CHST8: variants seen among roughly 807,000 people sequenced by gnomAD.
The protein encoded by CHST8 is carbohydrate sulfotransferase 8, also known as GALNAC-4-ST1.
In CHST8, 10 loss-of-function variants were observed where a neutral mutation model predicts 15.0. That is an observed-to-expected ratio of 0.67 (90% confidence interval 0.41 to 1.13). The LOEUF is 1.13. Ranked by LOEUF, CHST8 falls within the 50% of genes most tolerant of loss-of-function variation. The probability of loss-of-function intolerance (pLI) is 0.00; values close to 1 mark genes in which losing one functional copy is unlikely to be tolerated. For synonymous variants in CHST8, 259 were observed against 256.6 expected, an observed-to-expected ratio of 1.01 and a Z score of -0.09; for missense variants, 634 against 608.2, an observed-to-expected ratio of 1.04 and a Z score of -0.45.
rs1367713139 is a variant in CHST8 at position 33,773,044 on chromosome 19, C to G, written c.1256C>G (p.Pro419Arg). Residue 419 changes from proline to arginine, a missense_variant, in exon 5 of 5, where the codon CCC becomes CGC. Physicochemically the swap from Pro to Arg is moderately radical, Grantham distance 103 (BLOSUM62 -2). Coordinates refer to ENST00000650847, the MANE Select transcript of CHST8 (RefSeq NM_001127895.2). The stretch of plus-strand genomic sequence containing the variant: ...TACCTGATGTTCAACTATTCCAAGC[C>G]CTTTGCAGATCTGTACTGAGGGGCG... ...MDYLMFNYSK[P>R]FADLY 1 of 1,607,944 alleles carries G rather than the reference C, an allele frequency of 6.2e-7. No individual in the cohort carries two copies. The highest frequency in any genetic ancestry group is 8.5e-7 in the Non-Finnish European group (1 of 1,179,524).
At chr19:33,647,879 G>T (rs1365023654) in intron 1 of CHST8, among the ~76,000 whole-genome samples, 1 of 151,586 alleles carries the variant, frequency 6.6e-6, no homozygotes, top group African/African-American at 2.4e-5. Flanking sequence ...AAATAAAAAA[G>T]AAATGAGAAG....
chr19:33,625,404 G>A (rs1238816790), intron 1 of CHST8, among the ~76,000 whole-genome samples: 1 of 151,764 alleles, frequency 6.6e-6, no homozygotes, highest in Non-Finnish European at 1.5e-5. Flanking sequence ...GTGAGCAACC[G>A]TGGCAATTAG....
rs1972557847 is a variant in CHST8, at chr19:33,659,511, C to T, written c.-163-8256C>T. 2.0e-5 allele frequency among the ~76,000 whole-genome samples: 3 copies of T among 152,158 alleles called. No homozygotes were observed. In the South Asian group the frequency reaches 6.2e-4, roughly 32 times the overall value. On this transcript the variant is annotated intron_variant, in intron 1 of 4. Coordinates refer to ENST00000650847, the MANE Select transcript of CHST8 (RefSeq NM_001127895.2). ...TTTTGTCTGTTGAATCCTTAATAAT[C>T]TCAATTTTGTTTGCACAATTTGTTC...
At chr19:33,731,880 G>A (rs889861424) in intron 3 of CHST8, among the ~76,000 whole-genome samples, 7 of 152,280 alleles carry the variant, frequency 4.6e-5, no homozygotes, top group African/African-American at 9.6e-5. Context: ...GCTGGCTGCC[G>A]GTGACCTCTT....
At chr19:33,666,682 T>C (rs955138837) in intron 1 of CHST8, among the ~76,000 whole-genome samples, 1 of 152,058 alleles carries the variant, frequency 6.6e-6, no homozygotes, top group Admixed American at 6.6e-5. Context: ...GAGTAGTTGT[T>C]AAGTGGTATT....
At chr19:33,762,320 C>G (rs1044592997) in intron 3 of CHST8, among the ~76,000 whole-genome samples, 17 of 152,210 alleles carry the variant, frequency 1.1e-4, no homozygotes, top group African/African-American at 4.1e-4. Flanking sequence ...GCAGGCGGGA[C>G]AGCCGTTGGG....
intron 1 of CHST8, among the ~76,000 whole-genome samples, chr19:33,663,445 G>A (rs1215276739): frequency 1.3e-5 from 2 of 152,116 alleles, no homozygotes; most frequent in Non-Finnish European, 2.9e-5. Context: ...CGTGCCTGTG[G>A]TCCCAGCTAC....
chr19:33,733,995 C>T (rs144780094), intron 3 of CHST8, among the ~76,000 whole-genome samples: 9 of 152,354 alleles, frequency 5.9e-5, no homozygotes, highest in African/African-American at 2.2e-4. Context: ...AGAGCAACTC[C>T]ATCTTGACTA....
chr19:33,755,281 A>G (rs930081838), intron 3 of CHST8, among the ~76,000 whole-genome samples: 1 of 152,192 alleles, frequency 6.6e-6, no homozygotes, highest in Non-Finnish European at 1.5e-5. Flanking sequence ...GTTACACAGC[A>G]GCCCTTCATT....
intron 3 of CHST8, among the ~76,000 whole-genome samples, chr19:33,747,007 A>G (rs1974327913): frequency 6.6e-6 from 1 of 152,194 alleles, no homozygotes; most frequent in South Asian, 2.1e-4. Flanking sequence ...CGGACTATAT[A>G]TCATGACATC....
intron 3 of CHST8, among the ~76,000 whole-genome samples, chr19:33,763,514 C>G (rs1974776022): frequency 6.6e-6 from 1 of 152,188 alleles, no homozygotes; most frequent in African/African-American, 2.4e-5. Flanking sequence ...TGGAACCCCA[C>G]GTACCTGTCC....
At chr19:33,651,386 C>CT (rs1291418393) in intron 1 of CHST8, among the ~76,000 whole-genome samples, 1 of 151,968 alleles carries the variant, frequency 6.6e-6, no homozygotes, top group Non-Finnish European at 1.5e-5. Flanking sequence ...AAAAAGCGTC[C>CT]TATATTACTA....
chr19:33,740,759 A>G (rs1325383740), intron 3 of CHST8, among the ~76,000 whole-genome samples: 1 of 152,180 alleles, frequency 6.6e-6, no homozygotes, highest in African/African-American at 2.4e-5. Context: ...CAGAACTGGC[A>G]TCATATGGGA....
chr19:33,741,062 C>A (rs1246470784), intron 3 of CHST8, among the ~76,000 whole-genome samples: 1 of 152,240 alleles, frequency 6.6e-6, no homozygotes, highest in South Asian at 2.1e-4. Flanking sequence ...AGGGTCAGAA[C>A]TGTTTGTGGT....
At chr19:33,701,510 G>A (rs1013543714) in intron 3 of CHST8, among the ~76,000 whole-genome samples, 39 of 152,184 alleles carry the variant, frequency 2.6e-4, no homozygotes, top group Admixed American at 2.2e-3. Flanking sequence ...TCCTAGGGGC[G>A]GGGAAATTAA....
rs183893900 is a variant in CHST8, at chr19:33,728,787, T to C, written c.130+39396T>C. 3.9e-5 allele frequency among the ~76,000 whole-genome samples: 6 copies of C among 152,212 alleles called. No homozygotes were observed. The East Asian group carries it at 1.2e-3, about 30-fold the overall frequency. On this transcript the variant is annotated intron_variant, in intron 3 of 4. Coordinates refer to ENST00000650847, the MANE Select transcript of CHST8 (RefSeq NM_001127895.2). Reference sequence around the variant, plus strand: ...GCAGACCCCACTTCTTCGAGCTCCCTGGGAGGCCTGTGAGCCCAGGGCAGG... The same window carrying C: ...GCAGACCCCACTTCTTCGAGCTCCCCGGGAGGCCTGTGAGCCCAGGGCAGG...
At chr19:33,641,491 A>T (rs1972283391) in intron 1 of CHST8, among the ~76,000 whole-genome samples, 1 of 152,176 alleles carries the variant, frequency 6.6e-6, no homozygotes, top group Admixed American at 6.5e-5. Flanking sequence ...GCTTGCGGTG[A>T]GGAGTTTTCT....
intron 2 of CHST8, among the ~76,000 whole-genome samples, chr19:33,687,380 C>G (rs966434828): frequency 6.6e-6 from 1 of 152,246 alleles, no homozygotes; most frequent in African/African-American, 2.4e-5. Context: ...TCCATTTCTA[C>G]TCTTTGCAGG....
intron 3 of CHST8, among the ~76,000 whole-genome samples, chr19:33,766,017 C>A (rs908743397): frequency 1.3e-5 from 2 of 152,100 alleles, no homozygotes; most frequent in Non-Finnish European, 1.5e-5. Flanking sequence ...GGACCTCCTT[C>A]CCATGCAAGC....
Sources: gnomAD v4.1 joint callset for allele counts (sites outside exome capture counted in the v4.1 genomes callset) on GRCh38, gnomAD v4.1.1 for gene constraint, MANE v1.5 for transcripts, NCBI Gene and HGNC (gene_info 2026-07-23, HGNC 2026-07-21) for gene names.